EPHX2: variants seen among roughly 807,000 people sequenced by gnomAD.
EPHX2 encodes the protein epoxide hydrolase 2.
EPHX2 carries 74 observed loss-of-function variants against 78.7 expected under a neutral mutation model. That is an observed-to-expected ratio of 0.94 (90% CI 0.78 to 1.14). The LOEUF (loss-of-function observed/expected upper bound fraction) is 1.14. EPHX2 is among the 50% of genes most tolerant of loss of function. The pLI is 0.00. For missense variants in EPHX2, 715 were observed against 702.5 expected, an observed-to-expected ratio of 1.02 and a Z score of -0.20; for synonymous variants, 251 against 255.2, an observed-to-expected ratio of 0.98 and a Z score of 0.16.
chr8:27,537,840 C>T lies in EPHX2; in HGVS notation c.1243-819C>T, dbSNP rs72477571. On this transcript the variant is annotated intron_variant, in intron 13 of 18. Transcript: ENST00000521400. ...TATTTACTGTTTGCTACATTTTTTG[C>T]CTCTTGCTGTGGGGCCTTTTTGTGT... 4.7e-3 allele frequency among the ~76,000 whole-genome samples: 718 copies of T among 152,004 alleles called. 5 individuals are homozygous for T. The highest frequency in any genetic ancestry group is 0.017 in the African/African-American group (688 of 41,468).
At chr8:27,546,990 G>C (rs1223113088), downstream of EPHX2, among the ~76,000 whole-genome samples, 1 of 152,120 alleles carries the variant, frequency 6.6e-6, no homozygotes, top group East Asian at 1.9e-4. Context: ...AGAACAGGAG[G>C]GAGAGAGAAA....
chr8:27,507,038 T>C, intron 5 of EPHX2, 44 bp downstream of exon 5: 1 of 1,605,564 alleles, frequency 6.2e-7, no homozygotes, highest in South Asian at 1.1e-5. Context: ...GACTCATCTG[T>C]GGTTTCTGGA....
intron 5 of EPHX2, 46 bp downstream of exon 5, chr8:27,507,040 G>T (rs183981143): frequency 6.2e-7 from 1 of 1,600,662 alleles, no homozygotes; most frequent in African/African-American, 1.3e-5. Flanking sequence ...CTCATCTGTG[G>T]TTTCTGGACT....
intron 12 of EPHX2, among the ~76,000 whole-genome samples, chr8:27,532,659 G>A (rs746488901): frequency 6.6e-6 from 1 of 152,008 alleles, no homozygotes; most frequent in African/African-American, 2.4e-5. Context: ...GACACATCAC[G>A]CCCGTCCCTG....
At chr8:27,499,986 T>C (rs1813705751) in intron 1 of EPHX2, among the ~76,000 whole-genome samples, 1 of 152,206 alleles carries the variant, frequency 6.6e-6, no homozygotes, top group African/African-American at 2.4e-5. Context: ...ACTCTCCAAA[T>C]ACAGTCACAT....
chr8:27,503,892 C>A, intron 3 of EPHX2, 129 bp downstream of exon 3: 1 of 1,208,838 alleles, frequency 8.3e-7, no homozygotes, highest in South Asian at 1.7e-5. Context: ...CCTCTTTAAA[C>A]ATGGCCCCAA....
At chr8:27,494,825 G>A (rs1586425460) in intron 1 of EPHX2, among the ~76,000 whole-genome samples, 1 of 152,316 alleles carries the variant, frequency 6.6e-6, no homozygotes, top group East Asian at 1.9e-4. Flanking sequence ...GCTGGCTTCG[G>A]GCATGAGTAC....
intron 6 of EPHX2, chr8:27,512,136 T>C: frequency 1.9e-6 from 1 of 515,304 alleles, no homozygotes; most frequent in African/African-American, 1.9e-5. Flanking sequence ...CAGTGACATT[T>C]GTTAAATATC....
chr8:27,499,062 T>C (rs1444054079), intron 1 of EPHX2, among the ~76,000 whole-genome samples: 1 of 152,184 alleles, frequency 6.6e-6, no homozygotes, highest in African/African-American at 2.4e-5. Context: ...CAGGGCATCA[T>C]ATGGTGAGGG....
In EPHX2 at chr8:27,504,856, A is replaced by G. The variant is rs534340901; in HGVS notation, c.347-100A>G. The G allele has an allele frequency of 9.5e-6, 12 of 1,264,448 alleles. No homozygotes were observed. In the East Asian group the frequency reaches 2.7e-4, roughly 29 times the overall value. 78.3% of individuals were successfully genotyped at this position (1,264,448 alleles called of 1,614,324 possible). A position where few individuals can be genotyped will look rare whatever the true frequency, so the allele number is the denominator to read the frequency against. ...GCATAAGAGATTAATAAAAGTGAGC[A>G]CAACCTGCTTGGCCCATCATTGGAG... On this transcript the variant is annotated intron_variant, in intron 3 of 18. Coordinates refer to ENST00000521400, the MANE Select transcript of EPHX2 (RefSeq NM_001979.6).
Position 27,503,581 on chromosome 8 carries a change from GT to G in EPHX2, c.187-22del, listed in dbSNP as rs750561823. ...GCTTTTCTGAGTGGCCATACAAATTGTCCCCTCACTTCACTTTGACAGTGGA... is the reference window on the plus strand; with the variant it reads ...GCTTTTCTGAGTGGCCATACAAATTGCCCCTCACTTCACTTTGACAGTGGA... On this transcript the variant is annotated intron_variant, in intron 2 of 18. Transcript: ENST00000521400. 4.4e-6 allele frequency: 7 copies of G among 1,591,252 alleles called. No homozygotes were observed. In the South Asian group the frequency reaches 8.0e-5, roughly 18 times the overall value.
intron 11 of EPHX2, among the ~76,000 whole-genome samples, chr8:27,523,880 G>A (rs1414025858): frequency 1.3e-5 from 2 of 151,616 alleles, no homozygotes; most frequent in Admixed American, 6.6e-5. Context: ...TCAACAAAAG[G>A]AAAGATAGCA....
chr8:27,538,772 C>A, intron 14 of EPHX2, 80 bp downstream of exon 14: 1 of 1,510,000 alleles, frequency 6.6e-7, no homozygotes, highest in Non-Finnish European at 9.2e-7. Context: ...CTGCTATGGG[C>A]AGAAGCCCTG....
At chr8:27,531,691 G>A (rs950455351) in intron 12 of EPHX2, among the ~76,000 whole-genome samples, 2 of 152,174 alleles carry the variant, frequency 1.3e-5, no homozygotes, top group Non-Finnish European at 2.9e-5. Flanking sequence ...GGGCTTCGTG[G>A]ACCTGCAATT....
chr8:27,505,073 A>C lies in EPHX2; in HGVS notation c.464A>C (p.Gln155Pro). 6.2e-7 allele frequency: 1 copy of C among 1,614,148 alleles called. No individual in the cohort carries two copies. The highest frequency in any genetic ancestry group is 8.5e-7 in the Non-Finnish European group (1 of 1,180,014). Reference protein sequence around the residue: ...MHFDFLIESCQVGMVKPEPQI... With the variant: ...MHFDFLIESCPVGMVKPEPQI... ...TTTGACTTCCTGATAGAGTCGTGTC[A>C]GGTGGGAATGGTCAAACCTGAACCT... is the stretch of plus-strand genomic sequence containing the variant. Residue 155 changes from glutamine (Q) to proline (P), a missense_variant, in exon 4 of 19, where the codon CAG becomes CCG. Gln to Pro is a moderately conservative substitution (Grantham distance 76). Coordinates refer to ENST00000521400, the MANE Select transcript of EPHX2 (RefSeq NM_001979.6).
downstream of EPHX2, among the ~76,000 whole-genome samples, chr8:27,546,561 A>G (rs2132815026): frequency 6.6e-6 from 1 of 152,340 alleles, no homozygotes; most frequent in South Asian, 2.1e-4. Flanking sequence ...ATTCAAGCTC[A>G]TTTGTAAGGG....
At chr8:27,500,478 G>A (rs1813724254) in intron 1 of EPHX2, among the ~76,000 whole-genome samples, 1 of 152,190 alleles carries the variant, frequency 6.6e-6, no homozygotes, top group African/African-American at 2.4e-5. Flanking sequence ...AAGGTTAGAA[G>A]ATGACATTAA....
At position 27,543,797 on chromosome 8, in the gene EPHX2, G is replaced by A. The variant is rs200277522; in HGVS notation, c.1498G>A (p.Val500Ile). The change falls in exon 17 of 19, where the codon GTT becomes ATT. Residue 500 changes from valine to isoleucine, a missense_variant. By Grantham distance (29) the Val-to-Ile change is conservative. Transcript: ENST00000521400. The stretch of plus-strand genomic sequence containing the variant: ...CACGGCGGAGAAGGACTTCGTGCTC[G>A]TTCCTCAGATGTCCCAGCACATGGA... ...MVTAEKDFVL[V>I]PQMSQHMEDW... 61 of 1,614,064 alleles carry A rather than the reference G, an allele frequency of 3.8e-5. No individual in the cohort carries two copies. Among genetic ancestry groups the A allele is most frequent in the South Asian group, 3.6e-4 (33 of 91,074 alleles).
intron 12 of EPHX2, among the ~76,000 whole-genome samples, chr8:27,532,062 A>G (rs1221723684): frequency 6.6e-6 from 1 of 152,068 alleles, no homozygotes; most frequent in African/African-American, 2.4e-5. Flanking sequence ...TGAGAGGATG[A>G]GGGAAGTCCA....
Sources: allele counts gnomAD v4.1 joint callset (sites outside exome capture counted in the v4.1 genomes callset), GRCh38; gene constraint gnomAD v4.1.1; transcripts MANE v1.5; gene names NCBI Gene and HGNC (gene_info 2026-07-23, HGNC 2026-07-21).